LINGO2: variants seen among roughly 807,000 people sequenced by gnomAD.
LINGO2 encodes the protein leucine-rich repeat and immunoglobulin-like domain-containing nogo receptor-interacting protein 2.
Under a neutral mutation model 30.6 loss-of-function variants are expected in LINGO2, and 14 were observed. That is an observed-to-expected ratio of 0.46 (90% CI 0.30 to 0.72). The LOEUF is 0.72. LINGO2 is among the 30% of genes least tolerant of loss of function. The pLI is 0.07. For synonymous variants in LINGO2, 317 were observed against 288.5 expected (o/e 1.10, Z -1.00); for missense variants, 729 against 751.7 (o/e 0.97, Z 0.35).
intron 4 of LINGO2, among the ~76,000 whole-genome samples, chr9:28,228,084 C>A (rs1174528965): frequency 1.3e-5 from 2 of 151,900 alleles, no homozygotes; most frequent in East Asian, 3.8e-4. Context: ...CATCTAATTA[C>A]AAATTACAGA....
At chr9:28,979,492 A>G in the LINGO2 span, among the ~76,000 whole-genome samples, 1 of 125,886 alleles carries the variant, frequency 7.9e-6, no homozygotes, top group African/African-American at 2.8e-5. Context: ...TTTTGTATAC[A>G]TATATTTTAT....
chr9:28,879,431 C>A, the LINGO2 span, among the ~76,000 whole-genome samples: 1,264 of 152,174 alleles, frequency 8.3e-3, 22 homozygotes, highest in African/African-American at 0.028. Flanking sequence ...AATAAGAAAC[C>A]TTCCCAAATG....
At chr9:27,966,755 T>A (rs902245323) in intron 5 of LINGO2, among the ~76,000 whole-genome samples, 10 of 151,570 alleles carry the variant, frequency 6.6e-5, no homozygotes, top group Admixed American at 2.0e-4. Flanking sequence ...AGAAAAAAAA[T>A]AAATATGCGC....
At chr9:29,011,501 C>A in the LINGO2 span, among the ~76,000 whole-genome samples, 1 of 152,152 alleles carries the variant, frequency 6.6e-6, no homozygotes, top group Non-Finnish European at 1.5e-5. Context: ...AAGATTTATA[C>A]AATTGTGAAA....
chr9:28,051,920 A>T (rs1398206228), intron 4 of LINGO2, among the ~76,000 whole-genome samples: 1 of 152,028 alleles, frequency 6.6e-6, no homozygotes, highest in Non-Finnish European at 1.5e-5. Flanking sequence ...TATACCTAAC[A>T]ATAAAAAACA....
chr9:28,746,413 A>G, the LINGO2 span, among the ~76,000 whole-genome samples: 4 of 152,066 alleles, frequency 2.6e-5, no homozygotes, highest in Non-Finnish European at 5.9e-5. Flanking sequence ...TTCAGGGAAG[A>G]CAATCCTGCT....
At chr9:28,034,327 G>T (rs992951839) in intron 4 of LINGO2, among the ~76,000 whole-genome samples, 1 of 152,186 alleles carries the variant, frequency 6.6e-6, no homozygotes, top group African/African-American at 2.4e-5. Context: ...ATTCTGCTTT[G>T]TGATCTTGTT....
chr9:29,120,890 T>C, the LINGO2 span, among the ~76,000 whole-genome samples: 1 of 152,178 alleles, frequency 6.6e-6, no homozygotes, highest in Non-Finnish European at 1.5e-5. Context: ...TATCTAATGC[T>C]GTCAGCACCA....
chr9:28,954,863 T>C, the LINGO2 span, among the ~76,000 whole-genome samples: 7 of 152,108 alleles, frequency 4.6e-5, no homozygotes, highest in Admixed American at 2.0e-4. Flanking sequence ...ATCACTCTCG[T>C]GAGTTAGAAA....
chr9:28,148,853 C>G lies in LINGO2; in HGVS notation c.-86-136448G>C. 1 of 1,533,786 alleles carries G rather than the reference C, an allele frequency of 6.5e-7. No homozygotes were observed. The highest frequency in any genetic ancestry group is 2.4e-5 in the East Asian group (1 of 40,900). ...GGGTAAAGACCACCTGCCCAGCTCTCCAGGCTTGCTGATGGTGGGGGAGGA... is the reference window on the plus strand; with the variant it reads ...GGGTAAAGACCACCTGCCCAGCTCTGCAGGCTTGCTGATGGTGGGGGAGGA... On this transcript the variant is annotated intron_variant, in intron 4 of 5. Coordinates refer to ENST00000379992, the Ensembl canonical transcript of LINGO2. This position sits in a 1 kb window ranked among gnomAD's most constrained non-coding sequence, Gnocchi z 5.1.
At chr9:28,456,095 A>G (rs1371345444) in intron 2 of LINGO2, among the ~76,000 whole-genome samples, 1 of 152,154 alleles carries the variant, frequency 6.6e-6, no homozygotes, top group Non-Finnish European at 1.5e-5. Flanking sequence ...TATGGTTAGT[A>G]ATTTTTGAGT....
chr9:28,216,832 T>G (rs1250872845), intron 4 of LINGO2, among the ~76,000 whole-genome samples: 3 of 151,866 alleles, frequency 2.0e-5, no homozygotes, highest in African/African-American at 7.2e-5. Flanking sequence ...TTCAAATAAA[T>G]GGATCTGTAA....
chr9:28,882,311 G>A, the LINGO2 span, among the ~76,000 whole-genome samples: 1 of 152,190 alleles, frequency 6.6e-6, no homozygotes, highest in South Asian at 2.1e-4. Context: ...ATGAAGAGAT[G>A]TAGCACAACA....
chr9:28,617,390 G>C (rs1826179638), intron 1 of LINGO2, among the ~76,000 whole-genome samples: 2 of 151,718 alleles, frequency 1.3e-5, no homozygotes. Context: ...CCGCCTCCCA[G>C]GTTCACGCCA....
the LINGO2 span, among the ~76,000 whole-genome samples, chr9:28,820,385 C>T: frequency 3.3e-5 from 5 of 152,042 alleles, no homozygotes; most frequent in African/African-American, 7.3e-5. Flanking sequence ...CTTAGGCTAA[C>T]GGAATACAAC....
chr9:28,688,815 T>G, the LINGO2 span, among the ~76,000 whole-genome samples: 2 of 152,134 alleles, frequency 1.3e-5, no homozygotes, highest in African/African-American at 2.4e-5. Context: ...AGATTCCATT[T>G]TGTAGTTTCA....
At chr9:28,467,012 C>A (rs1825334275) in intron 2 of LINGO2, among the ~76,000 whole-genome samples, 1 of 151,404 alleles carries the variant, frequency 6.6e-6, no homozygotes, top group South Asian at 2.1e-4. Context: ...ATAAAAATAA[C>A]CCTAGCTGAC....
the LINGO2 span, among the ~76,000 whole-genome samples, chr9:28,931,405 T>A: frequency 6.6e-6 from 1 of 152,220 alleles, no homozygotes; most frequent in Admixed American, 6.5e-5. Context: ...CATTTCTGCC[T>A]CCATCTGGGC....
rs77542660 is a variant in LINGO2 at position 28,470,374 on chromosome 9, G to A, written c.-279+5566C>T. Among the ~76,000 whole-genome samples the A allele has an allele frequency of 2.6e-3, 390 of 152,282 alleles. 1 individual carries two copies. Among genetic ancestry groups the A allele is most frequent in the African/African-American group, 8.9e-3 (371 of 41,566 alleles). On this transcript the variant is annotated intron_variant, in intron 2 of 5. Transcript: ENST00000379992. ...GTATTAAATTATGCACATACAAATT[G>A]TCTCAACAACATATCATCCAGGCTC...
Sources: allele counts gnomAD v4.1 joint callset (sites outside exome capture counted in the v4.1 genomes callset), GRCh38; gene constraint gnomAD v4.1.1; non-coding constraint Gnocchi (gnomAD v3.1); transcripts MANE v1.5; gene names NCBI Gene and HGNC (gene_info 2026-07-23, HGNC 2026-07-21).